The following TSHZ2 variants were observed in gnomAD, a reference collection of about 807,000 sequenced individuals.
TSHZ2 encodes the protein teashirt homolog 2.
TSHZ2 carries 21 observed loss-of-function variants against 74.4 expected under a neutral mutation model. The ratio of observed to expected loss-of-function variants is 0.28; its 90% CI spans 0.20 to 0.41. The LOEUF is 0.41. TSHZ2 is among the 10% of genes least tolerant of loss of function. TSHZ2 has a pLI of 1.00. For synonymous variants in TSHZ2, 540 were observed against 515.3 expected, an observed-to-expected ratio of 1.05 and a Z score of -0.65; for missense variants, 1,244 against 1,293.5, an observed-to-expected ratio of 0.96 and a Z score of 0.59.
chr20:53,303,079 C>T (rs1322748002), intron 2 of TSHZ2, among the ~76,000 whole-genome samples: 4 of 152,204 alleles, frequency 2.6e-5, no homozygotes, highest in Admixed American at 6.5e-5. Flanking sequence ...TGTAGCGCTG[C>T]ATTTTGATTA....
intron 2 of TSHZ2, among the ~76,000 whole-genome samples, chr20:53,266,368 G>T (rs889190010): frequency 6.6e-6 from 1 of 152,146 alleles, no homozygotes; most frequent in Non-Finnish European, 1.5e-5. Flanking sequence ...CCCAGAAATT[G>T]TTTTCTCATT....
At chr20:53,459,708 T>C (rs1394340703) in intron 2 of TSHZ2, among the ~76,000 whole-genome samples, 2 of 142,202 alleles carry the variant, frequency 1.4e-5, no homozygotes, top group East Asian at 2.0e-4. Context: ...GTTGTTCTTT[T>C]CCATGTTTAG....
Position 53,254,746 on chromosome 20 carries a change from C to A in TSHZ2, c.1288C>A (p.Gln430Lys). 1 of 1,613,368 alleles carries A rather than the reference C, an allele frequency of 6.2e-7. No homozygotes were observed. The highest frequency in any genetic ancestry group is 8.5e-7 in the Non-Finnish European group (1 of 1,179,448). The change falls in exon 2 of 3, where the codon CAG becomes AAG. Residue 430 changes from glutamine to lysine, a missense_variant. Around this residue, in one of 6 missense-constraint regions of TSHZ2, gnomAD observed 562 missense variants for 544.0 expected, o/e 1.03. Transcript: ENST00000371497. Reference sequence around the variant, plus strand: ...AGACCCGTTAGCAGTGGAGAAAATGCAGTCGTTGTCTGAGGCCCCAAACAG... The same window carrying A: ...AGACCCGTTAGCAGTGGAGAAAATGAAGTCGTTGTCTGAGGCCCCAAACAG... ...VLDPLAVEKM[Q>K]SLSEAPNSDS...
intron 2 of TSHZ2, among the ~76,000 whole-genome samples, chr20:53,310,974 G>A (rs1384060025): frequency 6.6e-6 from 1 of 152,208 alleles, no homozygotes; most frequent in Non-Finnish European, 1.5e-5. Flanking sequence ...CTGCCAAAAT[G>A]TGCAAAATTT....
chr20:53,183,623 T>A (rs949456961), intron 1 of TSHZ2, among the ~76,000 whole-genome samples: 1 of 152,146 alleles, frequency 6.6e-6, no homozygotes, highest in African/African-American at 2.4e-5. Flanking sequence ...CTCTCACATT[T>A]CTCATGGAAA....
chr20:53,397,821 T>C (rs1023585199), intron 2 of TSHZ2: 1 of 152,222 alleles, frequency 6.6e-6, no homozygotes, highest in African/African-American at 2.4e-5. Flanking sequence ...TTCATGTCCT[T>C]TGTAGGGACA....
intron 1 of TSHZ2, among the ~76,000 whole-genome samples, chr20:53,222,690 A>G (rs1273291944): frequency 6.6e-6 from 1 of 152,220 alleles, no homozygotes; most frequent in Non-Finnish European, 1.5e-5. Context: ...GCTAACTGCT[A>G]ATGCAGTGAA....
In TSHZ2 at chr20:53,488,987, C is replaced by T. The variant is rs552471462; in HGVS notation, c.*1852C>T. On this transcript the variant is annotated 3_prime_UTR_variant, in exon 3 of 3. Coordinates refer to ENST00000371497, the MANE Select transcript of TSHZ2 (RefSeq NM_173485.6). ...AGGAGGGAAAAAGTAAATGAAGTTC[C>T]AGGAATGTCATTCTGAAGTAATGAG... 8 of 456,078 alleles carry T rather than the reference C, an allele frequency of 1.8e-5. No homozygotes were observed. In the East Asian group the frequency reaches 5.6e-4, roughly 32 times the overall value. 28.3% of individuals were successfully genotyped at this position (456,078 alleles called of 1,614,324 possible).
chr20:53,209,289 T>C (rs1272213714), intron 1 of TSHZ2, among the ~76,000 whole-genome samples: 1 of 152,130 alleles, frequency 6.6e-6, no homozygotes, highest in Non-Finnish European at 1.5e-5. Context: ...GGTTTCACCA[T>C]GTTGGTCAGG....
At chr20:53,407,113 C>G (rs773866328) in intron 2 of TSHZ2, among the ~76,000 whole-genome samples, 10 of 152,218 alleles carry the variant, frequency 6.6e-5, no homozygotes, top group Admixed American at 2.0e-4. Context: ...CCACATTTCT[C>G]TAGAAAAATC....
intron 1 of TSHZ2, among the ~76,000 whole-genome samples, chr20:53,240,521 T>TC (rs929455190): frequency 1.3e-5 from 2 of 152,132 alleles, no homozygotes; most frequent in Non-Finnish European, 2.9e-5. Context: ...CTCCTAAGGG[T>TC]CACTCAAAGG....
chr20:53,089,659 A>G (rs1288475031), intron 1 of TSHZ2, among the ~76,000 whole-genome samples: 5 of 152,224 alleles, frequency 3.3e-5, no homozygotes, highest in Non-Finnish European at 1.5e-5. Flanking sequence ...AGCTATGAAG[A>G]TTAAAAAGCT....
rs77415357 is a variant in TSHZ2 at position 53,410,811 on chromosome 20, G to C, written c.*9-76333G>C. Among the ~76,000 whole-genome samples the C allele has an allele frequency of 1.4e-3, 214 of 151,824 alleles. 1 individual carries two copies. The East Asian group carries it at 0.015, about 11-fold the overall frequency. The stretch of plus-strand genomic sequence containing the variant: ...CTGCCTCAGCCTTTTGAGTAGCTGG[G>C]ATTACAGGCATGCACCAGGACGCCT... On this transcript the variant is annotated intron_variant, in intron 2 of 2. Coordinates refer to ENST00000371497, the MANE Select transcript of TSHZ2 (RefSeq NM_173485.6).
rs1317030044 is a variant in TSHZ2, at chr20:53,461,189, C to T, written c.*9-25955C>T. ...CTCAGACTGCTGTGCTAGCAATCAG[C>T]GAGACTCCATGGGCGTAGGACCCTC... is the stretch of plus-strand genomic sequence containing the variant. On this transcript the variant is annotated intron_variant, in intron 2 of 2. Transcript: ENST00000371497. Among the ~76,000 whole-genome samples the T allele has an allele frequency of 5.5e-3, 844 of 152,076 alleles. 6 individuals are homozygous for T. The highest frequency in any genetic ancestry group is 0.018 in the African/African-American group (750 of 41,448).
chr20:53,223,898 A>AAC lies in TSHZ2; in HGVS notation c.41-29568_41-29567dup, dbSNP rs71675648. ...ATGTGAAAAAAATGTTACAGGACTA[A>AAC]ACACACACACACACACACACACACA... On this transcript the variant is annotated intron_variant, in intron 1 of 2. Transcript: ENST00000371497. 6.4e-3 allele frequency among the ~76,000 whole-genome samples: 925 copies of AAC among 145,472 alleles called. 3 individuals carry two copies. Among genetic ancestry groups the AAC allele is most frequent in the African/African-American group, 0.015 (606 of 39,258 alleles).
intron 1 of TSHZ2, among the ~76,000 whole-genome samples, chr20:53,192,653 G>A (rs1424185724): frequency 6.6e-6 from 1 of 152,070 alleles, no homozygotes; most frequent in African/African-American, 2.4e-5. Context: ...GGACAGAAGG[G>A]CTCTCCTGGG....
chr20:53,159,804 T>C (rs1987885229), intron 1 of TSHZ2, among the ~76,000 whole-genome samples: 1 of 152,258 alleles, frequency 6.6e-6, no homozygotes, highest in Non-Finnish European at 1.5e-5. Context: ...CAAATATTTA[T>C]TTAATGTCTA....
At chr20:52,994,702 G>A (rs1005114363) in intron 1 of TSHZ2, among the ~76,000 whole-genome samples, 1 of 152,086 alleles carries the variant, frequency 6.6e-6, no homozygotes. Context: ...AAGCCATAAT[G>A]TGCCGTGAAG....
intron 1 of TSHZ2, among the ~76,000 whole-genome samples, chr20:53,118,447 T>C (rs1461385557): frequency 6.7e-6 from 1 of 150,194 alleles, no homozygotes; most frequent in Non-Finnish European, 1.5e-5. Context: ...TACGAGAGAG[T>C]GAGGAAAGCA....
Sources: gnomAD v4.1 joint callset for allele counts (sites outside exome capture counted in the v4.1 genomes callset) on GRCh38, gnomAD v4.1.1 for gene constraint, gnomAD v4.1.1 regional missense constraint, MANE v1.5 for transcripts, NCBI Gene and HGNC (gene_info 2026-07-23, HGNC 2026-07-21) for gene names.